SEC23A: variants seen among roughly 807,000 people sequenced by gnomAD.
SEC23A encodes the protein protein transport protein Sec23A.
In SEC23A, 56 loss-of-function variants were observed where a neutral mutation model predicts 103.7. The ratio of observed to expected loss-of-function variants is 0.54; its 90% CI spans 0.44 to 0.67. The LOEUF (loss-of-function observed/expected upper bound fraction) is 0.67, where lower values mean the gene tolerates loss of function less well. Among genes scored for constraint, SEC23A ranks in the 30% least tolerant of loss-of-function variants. The pLI is 0.00. For synonymous variants in SEC23A, 281 were observed against 293.0 expected (o/e 0.96, Z 0.42); for missense variants, 784 against 936.4 (o/e 0.84, Z 2.12).
At chr14:39,038,608 CAG>C (rs1326042427) in intron 19 of SEC23A, among the ~76,000 whole-genome samples, 1 of 152,054 alleles carries the variant, frequency 6.6e-6, no homozygotes, top group Non-Finnish European at 1.5e-5. Flanking sequence ...GCCTCTTGAG[CAG>C]CTGGGATTAC....
chr14:39,036,455 T>A (rs1032702860), intron 19 of SEC23A, among the ~76,000 whole-genome samples: 1 of 152,082 alleles, frequency 6.6e-6, no homozygotes, highest in African/African-American at 2.4e-5. Flanking sequence ...TCTTTAGAAC[T>A]GTTTTTAATC....
rs767069054 is a variant in SEC23A, at chr14:39,039,024, A to T, written c.2208+7T>A. On this transcript the variant is annotated splice_region_variant and intron_variant, in intron 19 of 19. Transcript: ENST00000307712. Reference sequence around the variant, plus strand: ...AATAATTTCCAAGACCTGCTATTTAAACTTACCTGCCCCCAGGCATACATA... The same window carrying T: ...AATAATTTCCAAGACCTGCTATTTATACTTACCTGCCCCCAGGCATACATA... 1 of 1,609,446 alleles carries T rather than the reference A, an allele frequency of 6.2e-7. No individual in the cohort carries two copies. The highest frequency in any genetic ancestry group is 1.7e-5 in the Admixed American group (1 of 60,020).
At chr14:39,059,501 TGAAA>T (rs770500711) in intron 13 of SEC23A, among the ~76,000 whole-genome samples, 14 of 152,222 alleles carry the variant, frequency 9.2e-5, no homozygotes, top group African/African-American at 1.7e-4. Context: ...CCCTGTCTCT[TGAAA>T]GAGTCACCTA....
chr14:39,089,378 T>A (rs1181546032), intron 5 of SEC23A, among the ~76,000 whole-genome samples: 1 of 152,106 alleles, frequency 6.6e-6, no homozygotes, highest in Non-Finnish European at 1.5e-5. Context: ...ATCTCTATTT[T>A]ACAATTGAAA....
intron 13 of SEC23A, among the ~76,000 whole-genome samples, chr14:39,058,377 G>A (rs182557900): frequency 6.6e-5 from 10 of 151,554 alleles, no homozygotes; most frequent in Non-Finnish European, 1.0e-4. Context: ...GCGCAATCTC[G>A]GCTCACTGCA....
At chr14:39,037,306 CCAAA>C (rs746689885) in intron 19 of SEC23A, among the ~76,000 whole-genome samples, 2 of 152,046 alleles carry the variant, frequency 1.3e-5, no homozygotes, top group Admixed American at 6.6e-5. Flanking sequence ...AGTGTCTAAA[CCAAA>C]CAATTTCTCT....
intron 13 of SEC23A, among the ~76,000 whole-genome samples, chr14:39,058,668 G>T (rs1418902858): frequency 1.3e-5 from 2 of 152,166 alleles, no homozygotes; most frequent in Non-Finnish European, 2.9e-5. Context: ...TTTCCCAGAT[G>T]GTTGAAACGT....
intron 10 of SEC23A, among the ~76,000 whole-genome samples, chr14:39,066,817 C>G (rs1200615567): frequency 6.6e-6 from 1 of 152,102 alleles, no homozygotes; most frequent in Non-Finnish European, 1.5e-5. Context: ...GAGACAACAT[C>G]ATGCCACTGC....
chr14:39,094,397 CATATATATATATATATATATATATATAT>C (rs1242407974), intron 2 of SEC23A, among the ~76,000 whole-genome samples: 3 of 7,910 alleles, frequency 3.8e-4, no homozygotes, highest in African/African-American at 1.1e-3. Context: ...CACACACACA[CATATATATATATATATATATATATATAT>C]ATATATATAT....
intron 17 of SEC23A, among the ~76,000 whole-genome samples, chr14:39,041,587 A>C (rs967748638): frequency 6.6e-6 from 1 of 151,920 alleles, no homozygotes; most frequent in Non-Finnish European, 1.5e-5. Context: ...ACTCCTGGGT[A>C]GGTCGGGCGC....
rs1207568961 is a variant in SEC23A, at chr14:39,074,497, T to C, written c.1021A>G (p.Thr341Ala). ...GCATAGATATCAATAACATGGCCAG[T>C]TGTAGCAGCTCGATTAGCCAATGCT... ...FEALANRAAT[T>A]GHVIDIYACA... Residue 341 changes from threonine (T) to alanine (A), a missense_variant, in exon 9 of 20, where the codon ACT becomes GCT. By Grantham distance (58) the Thr-to-Ala change is moderately conservative (BLOSUM62 0). Coordinates refer to ENST00000307712, the MANE Select transcript of SEC23A (RefSeq NM_006364.4). The C allele has an allele frequency of 2.5e-6, 4 of 1,613,086 alleles. No individual in the cohort carries two copies. Among genetic ancestry groups the C allele is most frequent in the South Asian group, 1.1e-5 (1 of 91,016 alleles).
At chr14:39,065,564 T>C (rs530737242) in intron 10 of SEC23A, among the ~76,000 whole-genome samples, 52 of 152,294 alleles carry the variant, frequency 3.4e-4, no homozygotes, top group South Asian at 6.2e-4. Flanking sequence ...CCCACAGATT[T>C]AAGCTATTTC....
intron 9 of SEC23A, among the ~76,000 whole-genome samples, chr14:39,072,832 C>T (rs567536277): frequency 6.6e-6 from 1 of 152,156 alleles, no homozygotes; most frequent in East Asian, 1.9e-4. Context: ...AATTAAAATA[C>T]AGACAACGAC....
intron 16 of SEC23A, among the ~76,000 whole-genome samples, chr14:39,043,568 A>G (rs777246409): frequency 6.6e-6 from 1 of 152,198 alleles, no homozygotes; most frequent in Non-Finnish European, 1.5e-5. Context: ...CACATGCACA[A>G]AGATTAAAGC....
At chr14:39,045,787 G>A (rs72671362) in intron 15 of SEC23A, among the ~76,000 whole-genome samples, 12,475 of 152,246 alleles carry the variant, frequency 0.082, 538 homozygotes, top group African/African-American at 0.12. Context: ...ATCTTCACAC[G>A]TCTGACCATA....
At chr14:39,092,764 ATCT>A (rs2139289596) in intron 3 of SEC23A, 137 bp from the exon 4 acceptor site, 1 of 624,578 alleles carries the variant, frequency 1.6e-6, no homozygotes, top group Non-Finnish European at 2.8e-6. Context: ...AATTATTTGT[ATCT>A]TTTTTTAAAT....
At chr14:39,070,958 C>A (rs1363492443) in intron 9 of SEC23A, among the ~76,000 whole-genome samples, 1 of 151,756 alleles carries the variant, frequency 6.6e-6, no homozygotes, top group African/African-American at 2.4e-5. Context: ...ACCCAGGGGG[C>A]GGAGGTTGCA....
intron 13 of SEC23A, among the ~76,000 whole-genome samples, chr14:39,058,721 CT>C (rs1886341655): frequency 6.6e-6 from 1 of 152,178 alleles, no homozygotes; most frequent in Non-Finnish European, 1.5e-5. Flanking sequence ...GCAAAAAAGA[CT>C]GAGAATGTGT....
At chr14:39,076,605 A>G (rs1284155877) in intron 7 of SEC23A, among the ~76,000 whole-genome samples, 1 of 150,948 alleles carries the variant, frequency 6.6e-6, no homozygotes, top group Non-Finnish European at 1.5e-5. Flanking sequence ...TTTGTTTTTG[A>G]TGTTTAGAAC....
Sources: gnomAD v4.1 joint callset for allele counts (sites outside exome capture counted in the v4.1 genomes callset) on GRCh38, gnomAD v4.1.1 for gene constraint, MANE v1.5 for transcripts, NCBI Gene and HGNC (gene_info 2026-07-23, HGNC 2026-07-21) for gene names.